CD83: variants seen among roughly 807,000 people sequenced by gnomAD.
CD83 encodes the protein CD83 molecule.
Under a neutral mutation model 24.6 loss-of-function variants are expected in CD83, and 22 were observed. The observed-to-expected ratio is 0.90, with a 90% CI of 0.64 to 1.28. The LOEUF is 1.28. Ranked by LOEUF, CD83 falls within the 50% of genes most tolerant of loss-of-function variation. The pLI is 0.00. For synonymous variants in CD83, 101 were observed against 103.5 expected, an observed-to-expected ratio of 0.98 and a Z score of 0.14; for missense variants, 253 against 252.8, an observed-to-expected ratio of 1.00 and a Z score of -0.01.
At chr6:14,130,500 G>A (rs948786653) in intron 2 of CD83, among the ~76,000 whole-genome samples, 3 of 152,144 alleles carry the variant, frequency 2.0e-5, no homozygotes, top group Non-Finnish European at 2.9e-5. Context: ...CGAGGCGGGC[G>A]GATCGCTTGA....
intron 2 of CD83, among the ~76,000 whole-genome samples, chr6:14,123,242 T>G (rs1315062687): frequency 1.3e-5 from 2 of 151,830 alleles, no homozygotes; most frequent in Non-Finnish European, 2.9e-5. Context: ...GGATTACAGG[T>G]GCCCACCACC....
chr6:14,123,439 A>G (rs1759718174), intron 2 of CD83, among the ~76,000 whole-genome samples: 1 of 152,198 alleles, frequency 6.6e-6, no homozygotes, highest in Admixed American at 6.5e-5. Flanking sequence ...CATAATGCAA[A>G]ATATGCCTAA....
chr6:14,117,553 GGGCGGGGACGCGCACGCGGCGAGGGC>G (rs1759554671), upstream of CD83: 1 of 151,478 alleles, frequency 6.6e-6, no homozygotes, highest in Non-Finnish European at 1.4e-5. This position sits in a 1 kb window ranked among gnomAD's most constrained non-coding sequence, Gnocchi z 4.6. Context: ...GGGCGCGCGG[GGGCGGGGACGCGCACGCGGCGAGGGC>G]GGCGGGTGCG....
At chr6:14,117,590 A>ACGGGGGCGG (rs1759556990), upstream of CD83, 3 of 68,692 alleles carry the variant, frequency 4.4e-5, no homozygotes, top group Admixed American at 7.9e-4. The surrounding 1 kb of genome is among the most constrained non-coding windows in gnomAD (Gnocchi z 4.6). Flanking sequence ...GGCGGGTGCG[A>ACGGGGGCGG]CGGGGGCGGG....
intron 2 of CD83, among the ~76,000 whole-genome samples, chr6:14,118,317 G>C (rs536039250): frequency 1.4e-5 from 2 of 147,522 alleles, no homozygotes; most frequent in East Asian, 2.0e-4. Flanking sequence ...GGCCTGAGAT[G>C]AATGATCCAC....
Position 14,117,819 on chromosome 6 carries a change from G to A in CD83, c.8G>A (p.Arg3His), listed in dbSNP as rs1019032246. 4.5e-6 allele frequency: 7 copies of A among 1,562,392 alleles called. No homozygotes were observed. Among genetic ancestry groups the A allele is most frequent in the Non-Finnish European group, 6.0e-6 (7 of 1,161,534 alleles). MS[R>H]GLQLLLLSCA... ...CGGCGCAGCGCTCCAGCCATGTCGC[G>A]CGGCCTCCAGCTTCTGCTCCTGAGC... Residue 3 changes from arginine to histidine, a missense_variant, in exon 1 of 5, where the codon CGC becomes CAC. By Grantham distance (29) the Arg-to-His change is conservative (BLOSUM62 0). Transcript: ENST00000379153. The surrounding 1 kb of genome is among the most constrained non-coding windows in gnomAD (Gnocchi z 4.6).
chr6:14,125,153 T>G (rs1759775240), intron 2 of CD83, among the ~76,000 whole-genome samples: 1 of 152,222 alleles, frequency 6.6e-6, no homozygotes, highest in Non-Finnish European at 1.5e-5. Context: ...TTTGGACTTC[T>G]GGCCTCCTGA....
At chr6:14,130,009 G>A (rs904121465) in intron 2 of CD83, among the ~76,000 whole-genome samples, 3 of 152,094 alleles carry the variant, frequency 2.0e-5, no homozygotes, top group Non-Finnish European at 4.4e-5. Context: ...CTCCCAGAAC[G>A]GGAGATTCAT....
chr6:14,131,575 G>A lies in CD83; in HGVS notation c.209G>A (p.Gly70Glu). The A allele has an allele frequency of 6.2e-7, 1 of 1,614,184 alleles. No individual in the cohort carries two copies. The highest frequency in any genetic ancestry group is 8.5e-7 in the Non-Finnish European group (1 of 1,180,028). The change falls in exon 3 of 5, where the codon GGA becomes GAA. Residue 70 changes from glycine to glutamate, a missense_variant. Coordinates refer to ENST00000379153, the MANE Select transcript of CD83 (RefSeq NM_004233.4). Reference sequence around the variant, plus strand: ...ACACCCCAGGAAGACCACCTCAGGGGACAGCACTATCATCAGAAGGGGCAA... The same window carrying A: ...ACACCCCAGGAAGACCACCTCAGGGAACAGCACTATCATCAGAAGGGGCAA... ...METPQEDHLR[G>E]QHYHQKGQNG...
chr6:14,117,929 C>T lies in CD83; in HGVS notation c.38-21C>T, dbSNP rs780605284. On this transcript the variant is annotated intron_variant, in intron 1 of 4. Coordinates refer to ENST00000379153, the MANE Select transcript of CD83 (RefSeq NM_004233.4). This position sits in a 1 kb window ranked among gnomAD's most constrained non-coding sequence, Gnocchi z 4.6. ...CCTCCCGTCGGTCGCTTGCTCACGA[C>T]GCGCTCTCTCTTTCTTGTAGCCTAC... 13 of 1,599,408 alleles carry T rather than the reference C, an allele frequency of 8.1e-6. 1 individual carries two copies. The South Asian group carries it at 1.0e-4, about 12-fold the overall frequency.
At chr6:14,132,653 C>T (rs1477025260) in intron 3 of CD83, among the ~76,000 whole-genome samples, 5 of 152,098 alleles carry the variant, frequency 3.3e-5, no homozygotes, top group Non-Finnish European at 5.9e-5. Flanking sequence ...GTGTAGTGCC[C>T]GGGATAGACT....
At chr6:14,127,903 G>A (rs1489418980) in intron 2 of CD83, among the ~76,000 whole-genome samples, 1 of 152,236 alleles carries the variant, frequency 6.6e-6, no homozygotes, top group Admixed American at 6.5e-5. Context: ...CTGAAATTGT[G>A]TTGTGCTTTA....
At chr6:14,133,824 G>C in intron 4 of CD83, 69 bp downstream of exon 4, 1 of 1,009,130 alleles carries the variant, frequency 9.9e-7, no homozygotes, top group Non-Finnish European at 1.5e-6. Context: ...AGTATCTCTT[G>C]CAGATAGTGC....
chr6:14,131,765 C>T lies in CD83; in HGVS notation c.382+17C>T. The T allele has an allele frequency of 1.3e-6, 2 of 1,541,756 alleles. No individual in the cohort carries two copies. The highest frequency in any genetic ancestry group is 1.8e-6 in the Non-Finnish European group (2 of 1,114,298). Reference sequence around the variant, plus strand: ...GAGTGACAGGTGAGGTGACCTGCTGCACTTGTTTTCTTCTTGAACAATGCA... The same window carrying T: ...GAGTGACAGGTGAGGTGACCTGCTGTACTTGTTTTCTTCTTGAACAATGCA... On this transcript the variant is annotated intron_variant, in intron 3 of 4. Coordinates refer to ENST00000379153, the MANE Select transcript of CD83 (RefSeq NM_004233.4).
At position 14,120,428 on chromosome 6, in the gene CD83, A is replaced by C. The variant is rs76456819; in HGVS notation, c.153+2363A>C. Among the ~76,000 whole-genome samples the C allele has an allele frequency of 4.0e-3, 604 of 152,312 alleles. 7 individuals carry two copies. The highest frequency in any genetic ancestry group is 0.024 in the Admixed American group (375 of 15,310). On this transcript the variant is annotated intron_variant, in intron 2 of 4. Transcript: ENST00000379153. ...TTAAGCATCTGGTCATTTTTCTATAAGTTTCTTGTAAAATGTTTCATCAAA... is the reference window on the plus strand; with the variant it reads ...TTAAGCATCTGGTCATTTTTCTATACGTTTCTTGTAAAATGTTTCATCAAA...
rs1196258389 is a variant in CD83, at chr6:14,135,268, C to T, written c.*32C>T. 1.2e-6 allele frequency: 2 copies of T among 1,610,586 alleles called. No individual in the cohort carries two copies. The highest frequency in any genetic ancestry group is 1.7e-6 in the Non-Finnish European group (2 of 1,177,512). ...TTTCTGCAGGTTCTTCTTCCTGAAGCTGAGGCTCAGGGGTGTGCCTGTCTG... is the reference window on the plus strand; with the variant it reads ...TTTCTGCAGGTTCTTCTTCCTGAAGTTGAGGCTCAGGGGTGTGCCTGTCTG... On this transcript the variant is annotated 3_prime_UTR_variant, in exon 5 of 5. Transcript: ENST00000379153.
At position 14,129,959 on chromosome 6, in the gene CD83, C is replaced by T. The variant is rs755249492; in HGVS notation, c.154-1561C>T. Among the ~76,000 whole-genome samples the T allele has an allele frequency of 2.0e-5, 3 of 152,084 alleles. No homozygotes were observed. Among genetic ancestry groups the T allele is most frequent in the African/African-American group, 7.2e-5 (3 of 41,388 alleles). On this transcript the variant is annotated intron_variant, in intron 2 of 4. Transcript: ENST00000379153. The surrounding 1 kb of genome is among the most constrained non-coding windows in gnomAD (Gnocchi z 4.3). ...CTCCTTGGTTATCTCTTTCCCTACACTGAGTTCCTTCCTAAAAGTCAGAGA... is the reference window on the plus strand; with the variant it reads ...CTCCTTGGTTATCTCTTTCCCTACATTGAGTTCCTTCCTAAAAGTCAGAGA...
At chr6:14,133,586 G>C in intron 3 of CD83, 63 bp from the exon 4 acceptor site, 1 of 1,131,436 alleles carries the variant, frequency 8.8e-7, no homozygotes. Flanking sequence ...AGCATTCTTA[G>C]CTTTTTTTCA....
At chr6:14,127,084 G>A (rs1336017287) in intron 2 of CD83, among the ~76,000 whole-genome samples, 2 of 151,986 alleles carry the variant, frequency 1.3e-5, no homozygotes, top group Non-Finnish European at 1.5e-5. Context: ...CGCCTCCTGG[G>A]TTCAAGCGAT....
Sources: gnomAD v4.1 joint callset for allele counts (sites outside exome capture counted in the v4.1 genomes callset) on GRCh38, gnomAD v4.1.1 for gene constraint, Gnocchi (gnomAD v3.1) non-coding constraint, MANE v1.5 for transcripts, NCBI Gene and HGNC (gene_info 2026-07-23, HGNC 2026-07-21) for gene names.